GRHL2: variants seen among roughly 807,000 people sequenced by gnomAD.
GRHL2 encodes the protein grainyhead-like protein 2 homolog.
In GRHL2, 21 loss-of-function variants were observed where a neutral mutation model predicts 83.8. That is an observed-to-expected ratio of 0.25 (90% CI 0.18 to 0.36). The LOEUF is 0.36. Ranked by LOEUF, GRHL2 falls within the 10% of genes least tolerant of loss-of-function variation. The probability of loss-of-function intolerance (pLI) is 1.00; values close to 1 mark genes in which losing one functional copy is unlikely to be tolerated. For synonymous variants in GRHL2, 280 were observed against 278.9 expected, an observed-to-expected ratio of 1.00 and a Z score of -0.04; for missense variants, 623 against 781.8, an observed-to-expected ratio of 0.80 and a Z score of 2.42.
At chr8:101,578,639 AC>A (rs1307760533) in intron 7 of GRHL2, among the ~76,000 whole-genome samples, 1 of 152,224 alleles carries the variant, frequency 6.6e-6, no homozygotes, top group Non-Finnish European at 1.5e-5. Context: ...AGACTTCATT[AC>A]CCCATTTTGC....
chr8:101,674,332 G>A (rs946896493), downstream of GRHL2, among the ~76,000 whole-genome samples: 1 of 152,024 alleles, frequency 6.6e-6, no homozygotes, highest in Non-Finnish European at 1.5e-5. Context: ...AAGAAGAAAA[G>A]AGAGAAGAAT....
rs1814170911 is a variant in GRHL2 at position 101,669,714 on chromosome 8, CATA to C, written c.*3013_*3015del. On this transcript the variant is annotated 3_prime_UTR_variant, in exon 16 of 16. Coordinates refer to ENST00000646743, the MANE Select transcript of GRHL2 (RefSeq NM_024915.4). ...AAGGAGAAAAAATAAATATTCATAACATAAGAGTAAAACAACAGTGTCTGGTGC... is the reference window on the plus strand; with the variant it reads ...AAGGAGAAAAAATAAATATTCATAACAGAGTAAAACAACAGTGTCTGGTGC... The C allele has an allele frequency of 6.6e-6, 1 of 152,020 alleles. No homozygotes were observed. Among genetic ancestry groups the C allele is most frequent in the Admixed American group, 6.6e-5 (1 of 15,262 alleles). The allele number at this position is 152,020 out of a possible 1,614,324, so 9.4% of individuals were successfully genotyped here. A position where few individuals can be genotyped will look rare whatever the true frequency, so the allele number is the denominator to read the frequency against.
At chr8:101,529,548 C>T in intron 1 of GRHL2, 1 of 238,304 alleles carries the variant, frequency 4.2e-6, no homozygotes, top group Non-Finnish European at 8.4e-6. Flanking sequence ...ACTTATGGTG[C>T]ACCACCGTCT....
intron 12 of GRHL2, among the ~76,000 whole-genome samples, chr8:101,638,636 A>G (rs910618938): frequency 6.6e-6 from 1 of 152,222 alleles, no homozygotes; most frequent in African/African-American, 2.4e-5. Flanking sequence ...AAAGGAGTCA[A>G]ATGATTCCCT....
At chr8:101,533,555 A>G (rs1310050916) in intron 1 of GRHL2, among the ~76,000 whole-genome samples, 3 of 152,236 alleles carry the variant, frequency 2.0e-5, no homozygotes, top group Non-Finnish European at 4.4e-5. Flanking sequence ...AACATTGACC[A>G]TAATAAAAAA....
chr8:101,658,908 G>T (rs2129744783), intron 14 of GRHL2, among the ~76,000 whole-genome samples: 1 of 152,274 alleles, frequency 6.6e-6, no homozygotes, highest in Admixed American at 6.5e-5. Context: ...TATGCAACAA[G>T]CTCTTATACA....
chr8:101,567,422 G>T (rs1449205729), intron 4 of GRHL2, among the ~76,000 whole-genome samples: 1 of 152,122 alleles, frequency 6.6e-6, no homozygotes, highest in Non-Finnish European at 1.5e-5. Flanking sequence ...TGAGCATTTT[G>T]ATTCTAATTC....
intron 1 of GRHL2, among the ~76,000 whole-genome samples, chr8:101,500,603 G>A (rs1014634253): frequency 2.6e-5 from 4 of 152,118 alleles, no homozygotes; most frequent in Admixed American, 6.5e-5. Context: ...CCGCCTCCTA[G>A]GTTCAAGCAG....
At chr8:101,673,619 C>T (rs777568096), downstream of GRHL2, among the ~76,000 whole-genome samples, 1 of 151,698 alleles carries the variant, frequency 6.6e-6, no homozygotes, top group Non-Finnish European at 1.5e-5. Flanking sequence ...ACAACTTTGA[C>T]ACCCCACTGT....
At chr8:101,504,496 T>G (rs959334291) in intron 1 of GRHL2, among the ~76,000 whole-genome samples, 1 of 152,190 alleles carries the variant, frequency 6.6e-6, no homozygotes, top group Admixed American at 6.5e-5. Context: ...GCAAACCTGC[T>G]GGCCTCACCA....
chr8:101,523,221 T>C (rs1810727935), intron 1 of GRHL2, among the ~76,000 whole-genome samples: 1 of 151,860 alleles, frequency 6.6e-6, no homozygotes, highest in African/African-American at 2.4e-5. Context: ...CAACATCTAT[T>C]ATTCTTACAA....
intron 14 of GRHL2, among the ~76,000 whole-genome samples, chr8:101,651,594 T>C (rs1813622613): frequency 6.6e-6 from 1 of 152,188 alleles, no homozygotes; most frequent in Non-Finnish European, 1.5e-5. Flanking sequence ...TGGAACTCAA[T>C]GTCACCTTCG....
chr8:101,507,187 A>G (rs558368268), intron 1 of GRHL2, among the ~76,000 whole-genome samples: 2 of 152,312 alleles, frequency 1.3e-5, no homozygotes, highest in South Asian at 4.1e-4. Context: ...TAAAACTATT[A>G]ACCCTTTTGT....
At chr8:101,669,970 T>A (rs1408838759), downstream of GRHL2, among the ~76,000 whole-genome samples, 1 of 152,226 alleles carries the variant, frequency 6.6e-6, no homozygotes, top group Non-Finnish European at 1.5e-5. Context: ...GGGTGGTTAT[T>A]CTTGGCCAGT....
Position 101,652,561 on chromosome 8 carries a change from G to A in GRHL2, c.1698+3062G>A, listed in dbSNP as rs142704963. 3.5e-3 allele frequency among the ~76,000 whole-genome samples: 233 copies of A among 66,826 alleles called. 19 individuals carry two copies. The highest frequency in any genetic ancestry group is 0.016 in the African/African-American group (206 of 12,844). 43.8% of individuals were successfully genotyped at this position (66,826 alleles called of 152,430 possible). A position where few individuals can be genotyped will look rare whatever the true frequency, so the allele number is the denominator to read the frequency against. On this transcript the variant is annotated intron_variant, in intron 14 of 15. Coordinates refer to ENST00000646743, the MANE Select transcript of GRHL2 (RefSeq NM_024915.4). ...TGTGTGTGTGTGGTGTGTATGTGTG[G>A]TGGTGTGTGTGTGGTGTGTGTGGTG...
chr8:101,632,560 G>C (rs1813207590), intron 11 of GRHL2, among the ~76,000 whole-genome samples, 195 bp downstream of exon 11: 1 of 152,248 alleles, frequency 6.6e-6, no homozygotes, highest in African/African-American at 2.4e-5. Context: ...CTAAGTCGAA[G>C]AGGAGAGTAA....
intron 7 of GRHL2, among the ~76,000 whole-genome samples, chr8:101,587,287 T>G (rs1042488081): frequency 3.3e-5 from 5 of 152,196 alleles, no homozygotes; most frequent in Non-Finnish European, 7.4e-5. Flanking sequence ...AGAAGGAATG[T>G]TACAGAGAAG....
downstream of GRHL2, among the ~76,000 whole-genome samples, chr8:101,670,842 C>T (rs566043686): frequency 2.0e-4 from 31 of 152,170 alleles, no homozygotes; most frequent in Non-Finnish European, 3.8e-4. Context: ...TGATTCAGTT[C>T]GATTACTCTG....
chr8:101,519,809 C>T (rs1018129099), intron 1 of GRHL2, among the ~76,000 whole-genome samples: 1 of 152,184 alleles, frequency 6.6e-6, no homozygotes, highest in East Asian at 1.9e-4. Flanking sequence ...AAGGCTTTCT[C>T]CCCCATCTAC....
Sources: allele counts gnomAD v4.1 joint callset (sites outside exome capture counted in the v4.1 genomes callset), GRCh38; gene constraint gnomAD v4.1.1; transcripts MANE v1.5; gene names NCBI Gene and HGNC (gene_info 2026-07-23, HGNC 2026-07-21).